The following TPO variants were observed in gnomAD, a reference collection of about 807,000 sequenced individuals.
TPO encodes thyroid peroxidase, also known as thyroid microsomal antigen.
TPO carries 78 observed loss-of-function variants against 96.9 expected under a neutral mutation model. That is an observed-to-expected ratio of 0.81 (90% CI 0.67 to 0.97). The LOEUF (loss-of-function observed/expected upper bound fraction) is 0.97. Ranked by LOEUF, TPO falls within the 50% of genes least tolerant of loss-of-function variation. TPO has a pLI of 0.00. For synonymous variants in TPO, 547 were observed against 538.0 expected, an observed-to-expected ratio of 1.02 and a Z score of -0.23; for missense variants, 1,252 against 1,274.8, an observed-to-expected ratio of 0.98 and a Z score of 0.27.
intron 5 of TPO, chr2:1,439,186 G>A: frequency 3.8e-6 from 1 of 261,516 alleles, no homozygotes; most frequent in Non-Finnish European, 7.3e-6. Flanking sequence ...TGCTGGGCGG[G>A]CTCCACTGAC....
intron 14 of TPO, among the ~76,000 whole-genome samples, chr2:1,510,912 G>T (rs1357304507): frequency 6.6e-6 from 1 of 152,126 alleles, no homozygotes; most frequent in African/African-American, 2.4e-5. Flanking sequence ...TTTACATATA[G>T]GTATAAAAGA....
intron 11 of TPO, among the ~76,000 whole-genome samples, chr2:1,494,761 TTCTC>T (rs1202216859): frequency 4.6e-5 from 7 of 152,206 alleles, no homozygotes; most frequent in Non-Finnish European, 7.3e-5. Flanking sequence ...ACCTATCCAA[TTCTC>T]TCTCTATTTT....
At chr2:1,434,273 T>G (rs189474415) in intron 4 of TPO, among the ~76,000 whole-genome samples, 291 of 152,298 alleles carry the variant, frequency 1.9e-3, no homozygotes, top group African/African-American at 6.4e-3. Context: ...TTTAATTAAT[T>G]TATCAAGAAT....
At chr2:1,509,725 G>GCCCACCCTCTTTTTTGAGGGATAC (rs375563935) in intron 14 of TPO, among the ~76,000 whole-genome samples, 5 of 137,696 alleles carry the variant, frequency 3.6e-5, no homozygotes, top group African/African-American at 1.4e-4. Flanking sequence ...GTCAGGCACA[G>GCCCACCCTCTTTTTTGAGGGATAC]CCCACCCTCT....
chr2:1,450,285 TG>T (rs1219260413), intron 5 of TPO, among the ~76,000 whole-genome samples: 3 of 152,244 alleles, frequency 2.0e-5, no homozygotes, highest in African/African-American at 4.8e-5. Context: ...CACAGCTTTA[TG>T]CTCAAGCGCT....
intron 5 of TPO, among the ~76,000 whole-genome samples, chr2:1,447,668 A>G (rs1666943195): frequency 6.6e-6 from 1 of 152,102 alleles, no homozygotes; most frequent in Non-Finnish European, 1.5e-5. Flanking sequence ...GTAGATTTGT[A>G]TGTGTGTGTG....
intron 1 of TPO, among the ~76,000 whole-genome samples, chr2:1,386,655 C>G (rs1661899718): frequency 6.6e-6 from 1 of 152,094 alleles, no homozygotes; most frequent in Admixed American, 6.6e-5. Flanking sequence ...TGGGTCTTGA[C>G]TCTTTATCCA....
At chr2:1,536,920 C>T (rs1277198637) in intron 15 of TPO, among the ~76,000 whole-genome samples, 1 of 131,752 alleles carries the variant, frequency 7.6e-6, no homozygotes, top group African/African-American at 3.0e-5. Context: ...TTTGCAACCT[C>T]CCAAATCCCC....
At chr2:1,482,494 T>C (rs1277755531) in intron 8 of TPO, among the ~76,000 whole-genome samples, 5 of 152,054 alleles carry the variant, frequency 3.3e-5, no homozygotes, top group Non-Finnish European at 7.4e-5. Context: ...ATGGCCCACC[T>C]GGGAGGTGAG....
chr2:1,521,276 A>G (rs1368743796), intron 15 of TPO, among the ~76,000 whole-genome samples: 3 of 152,084 alleles, frequency 2.0e-5, no homozygotes, highest in Non-Finnish European at 4.4e-5. Flanking sequence ...TCCCTCCTGC[A>G]CCTTCCCACG....
chr2:1,415,546 G>A (rs996124364), intron 2 of TPO, among the ~76,000 whole-genome samples: 42 of 149,016 alleles, frequency 2.8e-4, no homozygotes, highest in African/African-American at 9.3e-4. Context: ...ACACCTTGCC[G>A]GGCAGGTCCC....
chr2:1,511,852 G>A (rs77611183), intron 14 of TPO, among the ~76,000 whole-genome samples: 281 of 152,298 alleles, frequency 1.8e-3, no homozygotes, highest in Middle Eastern at 6.8e-3. Flanking sequence ...TGGGAGACCC[G>A]GTTCAGCCCA....
intron 5 of TPO, among the ~76,000 whole-genome samples, chr2:1,450,682 T>C (rs1877854): frequency 0.93 from 142,050 of 152,242 alleles, 66,314 homozygotes; most frequent in South Asian, 0.98. Flanking sequence ...CCACAACAAA[T>C]GTCTGTGAGT....
At chr2:1,495,742 CA>C (rs1179254725) in intron 11 of TPO, among the ~76,000 whole-genome samples, 1 of 152,100 alleles carries the variant, frequency 6.6e-6, no homozygotes, top group Admixed American at 6.5e-5. Context: ...GGGCAGACGC[CA>C]CAGGGTCTCC....
At chr2:1,503,919 T>C in intron 13 of TPO, 29 bp from the exon 14 acceptor site, 4 of 1,614,118 alleles carry the variant, frequency 2.5e-6, no homozygotes, top group Non-Finnish European at 3.4e-6. Context: ...CCGCTTCCTC[T>C]CACGTGTGTG....
chr2:1,540,132 G>A (rs143822258), intron 15 of TPO, among the ~76,000 whole-genome samples: 1 of 152,230 alleles, frequency 6.6e-6, no homozygotes, highest in East Asian at 1.9e-4. Context: ...CTGGGACGGC[G>A]CTTCCTCCCC....
At chr2:1,403,127 C>A (rs563349766) in intron 1 of TPO, among the ~76,000 whole-genome samples, 5 of 152,270 alleles carry the variant, frequency 3.3e-5, no homozygotes, top group African/African-American at 1.2e-4. Context: ...GACCTAAGCC[C>A]TTTTTTTAAG....
intron 7 of TPO, 24 bp downstream of exon 7, chr2:1,456,306 T>C (rs1189845251): frequency 6.2e-7 from 1 of 1,610,964 alleles, no homozygotes; most frequent in Non-Finnish European, 8.5e-7. Flanking sequence ...AACGTTTCTA[T>C]GTTTGTTATG....
chr2:1,514,497 C>T (rs1400787888), intron 14 of TPO, among the ~76,000 whole-genome samples: 2 of 152,334 alleles, frequency 1.3e-5, no homozygotes, highest in East Asian at 1.9e-4. Context: ...TTTCCAAAGG[C>T]CCTCGTTGGC....
Sources: gnomAD v4.1 joint callset for allele counts (sites outside exome capture counted in the v4.1 genomes callset) on GRCh38, gnomAD v4.1.1 for gene constraint, MANE v1.5 for transcripts, NCBI Gene and HGNC (gene_info 2026-07-23, HGNC 2026-07-21) for gene names.